Variants in KIF6 observed in about 807,000 individuals in gnomAD.
KIF6 encodes the protein kinesin-like protein KIF6.
Under a neutral mutation model 112.7 loss-of-function variants are expected in KIF6, and 106 were observed. The observed-to-expected ratio is 0.94, with a 90% CI of 0.80 to 1.11. The LOEUF (loss-of-function observed/expected upper bound fraction) is 1.11. KIF6 is among the 50% of genes least tolerant of loss of function. KIF6 has a pLI of 0.00. For missense variants in KIF6, 929 were observed against 964.0 expected (o/e 0.96, Z 0.48); for synonymous variants, 339 against 339.9 (o/e 1.00, Z 0.03).
chr6:39,390,286 C>T (rs984006851), intron 15 of KIF6, among the ~76,000 whole-genome samples: 2 of 152,126 alleles, frequency 1.3e-5, no homozygotes, highest in African/African-American at 2.4e-5. Flanking sequence ...TATTCAGGCA[C>T]TTTCAGACAT....
intron 15 of KIF6, among the ~76,000 whole-genome samples, chr6:39,386,832 G>A (rs1392935106): frequency 1.3e-5 from 2 of 152,214 alleles, no homozygotes; most frequent in Non-Finnish European, 1.5e-5. Flanking sequence ...AGTGCTGTCT[G>A]TATGGCATGT....
chr6:39,351,927 G>T (rs957027347), intron 19 of KIF6, among the ~76,000 whole-genome samples: 1 of 152,200 alleles, frequency 6.6e-6, no homozygotes, highest in Non-Finnish European at 1.5e-5. Flanking sequence ...CAGCGAGAGG[G>T]CTCCGTGTGT....
intron 3 of KIF6, among the ~76,000 whole-genome samples, chr6:39,712,858 G>A (rs186142924): frequency 1.3e-5 from 2 of 152,240 alleles, no homozygotes; most frequent in African/African-American, 4.8e-5. Flanking sequence ...TGTAAATGAC[G>A]AGTTAATGGG....
intron 15 of KIF6, among the ~76,000 whole-genome samples, chr6:39,413,455 G>A (rs1256267266): frequency 6.6e-6 from 1 of 152,148 alleles, no homozygotes; most frequent in East Asian, 1.9e-4. Flanking sequence ...TGCCTGAGGA[G>A]TGGGGACATG....
At chr6:39,541,167 G>A (rs1199531524) in intron 12 of KIF6, among the ~76,000 whole-genome samples, 1 of 152,212 alleles carries the variant, frequency 6.6e-6, no homozygotes, top group Non-Finnish European at 1.5e-5. Context: ...AGAGAGCACT[G>A]CTACTTAGAA....
chr6:39,654,112 G>A (rs1466318011), intron 3 of KIF6, among the ~76,000 whole-genome samples: 6 of 152,118 alleles, frequency 3.9e-5, no homozygotes, highest in African/African-American at 1.2e-4. Flanking sequence ...CGATAGTAAC[G>A]AGAGGCTAAT....
At chr6:39,663,210 C>T (rs1786266468) in intron 3 of KIF6, among the ~76,000 whole-genome samples, 1 of 152,204 alleles carries the variant, frequency 6.6e-6, no homozygotes, top group South Asian at 2.1e-4. Flanking sequence ...AGCAACCAGT[C>T]ACAGGAACAC....
At chr6:39,707,669 T>A (rs1197704343) in intron 3 of KIF6, among the ~76,000 whole-genome samples, 1 of 152,230 alleles carries the variant, frequency 6.6e-6, no homozygotes, top group African/African-American at 2.4e-5. Flanking sequence ...GTCTACTCTA[T>A]CTTGGTCTGG....
intron 10 of KIF6, among the ~76,000 whole-genome samples, chr6:39,555,953 C>CAAAAAAA (rs35420944): frequency 5.1e-5 from 4 of 77,684 alleles, no homozygotes; most frequent in African/African-American, 9.6e-5. Context: ...GACGCTGTCT[C>CAAAAAAA]AAAAAAAAAA....
At chr6:39,336,600 T>A in intron 22 of KIF6, 52 bp from the exon 23 acceptor site, 1 of 1,585,956 alleles carries the variant, frequency 6.3e-7, no homozygotes, top group East Asian at 2.2e-5. Flanking sequence ...AGACACTGAC[T>A]TTTCCCAGGA....
At chr6:39,481,681 A>G (rs1345105864) in intron 13 of KIF6, among the ~76,000 whole-genome samples, 3 of 152,060 alleles carry the variant, frequency 2.0e-5, no homozygotes, top group Non-Finnish European at 2.9e-5. Flanking sequence ...CACCCAACCA[A>G]TGCAATTTAA....
chr6:39,586,289 G>A lies in KIF6; in HGVS notation c.962C>T (p.Thr321Ile), dbSNP rs943799279. 4 of 1,613,984 alleles carry A rather than the reference G, an allele frequency of 2.5e-6. No homozygotes were observed. Among genetic ancestry groups the A allele is most frequent in the Admixed American group, 3.3e-5 (2 of 59,998 alleles). Residue 321 changes from threonine to isoleucine, a missense_variant, in exon 8 of 23, where the codon ACA becomes ATA. Physicochemically the swap from Thr to Ile is moderately conservative, Grantham distance 89. Coordinates refer to ENST00000287152, the MANE Select transcript of KIF6 (RefSeq NM_145027.6). ...GGNCMTTMIA[T>I]LSLEKRNLDE... Reference sequence around the variant, plus strand: ...AAGATTCCTTTTCTCCAAGGAGAGTGTTGCAATCATAGTTGTCATGCAGTT... The same window carrying A: ...AAGATTCCTTTTCTCCAAGGAGAGTATTGCAATCATAGTTGTCATGCAGTT...
chr6:39,609,416 C>T (rs926329299), intron 6 of KIF6, among the ~76,000 whole-genome samples: 1 of 152,096 alleles, frequency 6.6e-6, no homozygotes, highest in Admixed American at 6.6e-5. Context: ...TCAATAACTA[C>T]ACCAGGTAAT....
At position 39,703,081 on chromosome 6, in the gene KIF6, CA is replaced by C. The variant is rs151284299; in HGVS notation, c.251+11610del. On this transcript the variant is annotated intron_variant, in intron 3 of 22. Coordinates refer to ENST00000287152, the MANE Select transcript of KIF6 (RefSeq NM_145027.6). ...ACCAAGACAAAATCCACCAACCCCC[CA>C]CCCCCACTCCCGGCCACCAAGACAA... Among the ~76,000 whole-genome samples, 183 of 45,054 alleles carry C rather than the reference CA, an allele frequency of 4.1e-3. 7 individuals are homozygous for C. The highest frequency in any genetic ancestry group is 0.01 in the Middle Eastern group (1 of 98). 29.6% of individuals were successfully genotyped at this position (45,054 alleles called of 152,430 possible).
At chr6:39,441,968 A>C (rs1391892986) in intron 13 of KIF6, among the ~76,000 whole-genome samples, 3 of 151,946 alleles carry the variant, frequency 2.0e-5, no homozygotes, top group Non-Finnish European at 4.4e-5. Context: ...TAGGGAGGAG[A>C]GCGAAGGGAA....
At chr6:39,408,783 T>C (rs1769274787) in intron 15 of KIF6, among the ~76,000 whole-genome samples, 2 of 152,124 alleles carry the variant, frequency 1.3e-5, no homozygotes, top group Admixed American at 1.3e-4. Flanking sequence ...TTTTGCTATG[T>C]ATATTAATGT....
chr6:39,341,733 T>A (rs1763336164), intron 22 of KIF6, among the ~76,000 whole-genome samples: 1 of 151,408 alleles, frequency 6.6e-6, no homozygotes, highest in African/African-American at 2.4e-5. Flanking sequence ...GCCTTTCTCA[T>A]TTCAGTAAAT....
intron 15 of KIF6, among the ~76,000 whole-genome samples, chr6:39,400,390 G>A (rs1046569889): frequency 1.2e-4 from 18 of 152,192 alleles, no homozygotes; most frequent in Non-Finnish European, 1.6e-4. Context: ...AATGAAATCT[G>A]GTTAAATGTG....
chr6:39,516,692 A>G (rs1382426273), intron 13 of KIF6, among the ~76,000 whole-genome samples: 2 of 152,156 alleles, frequency 1.3e-5, no homozygotes, highest in South Asian at 2.1e-4. Flanking sequence ...GAAATTTAAA[A>G]CTTCTATGGC....
Sources: allele counts gnomAD v4.1 joint callset (sites outside exome capture counted in the v4.1 genomes callset), GRCh38; gene constraint gnomAD v4.1.1; transcripts MANE v1.5; gene names NCBI Gene and HGNC (gene_info 2026-07-23, HGNC 2026-07-21).